USF3: variants seen among roughly 807,000 people sequenced by gnomAD.
The protein encoded by USF3 is upstream transcription factor family member 3.
A neutral mutation model predicts 157.5 loss-of-function variants in USF3; 29 were observed. That is an observed-to-expected ratio of 0.18 (90% CI 0.14 to 0.25). The LOEUF (loss-of-function observed/expected upper bound fraction) is 0.25. Ranked by LOEUF, USF3 falls within the 10% of genes least tolerant of loss-of-function variation. The pLI, the probability that USF3 is intolerant of heterozygous loss-of-function variation, is 1.00. For synonymous variants in USF3, 893 were observed against 941.4 expected (o/e 0.95, Z 0.94); for missense variants, 2,381 against 2,667.6 (o/e 0.89, Z 2.37).
Position 113,695,286 on chromosome 3 carries a change from A to G in USF3, c.-135+1084T>C, listed in dbSNP as rs76327481. Among the ~76,000 whole-genome samples the G allele has an allele frequency of 2.0e-3, 299 of 152,364 alleles. 2 individuals carry two copies. Among genetic ancestry groups the G allele is most frequent in the African/African-American group, 6.6e-3 (276 of 41,580 alleles). On this transcript the variant is annotated intron_variant, in intron 1 of 6. Coordinates refer to ENST00000316407, the MANE Select transcript of USF3 (RefSeq NM_001009899.4). ...TAAAGAGAAACAACACATGTATCCC[A>G]AACAGCAACTCTGTACTATGTTAAA...
At position 113,655,409 on chromosome 3, in the gene USF3, A is replaced by G. The variant is rs767379427; in HGVS notation, c.6273T>C (p.Ser2091=). ...ASFIPQVTQP[S]ATRTPALIPV... Reference sequence around the variant, plus strand: ...GGATGAGGGCTGGAGTTCGAGTGGCACTAGGCTGAGTAACCTGTGGAATGA... The same window carrying G: ...GGATGAGGGCTGGAGTTCGAGTGGCGCTAGGCTGAGTAACCTGTGGAATGA... The change falls in exon 7 of 7, where the codon AGT becomes AGC. Residue 2091 remains serine (S), a synonymous_variant. Coordinates refer to ENST00000316407, the MANE Select transcript of USF3 (RefSeq NM_001009899.4). 3.1e-6 allele frequency: 5 copies of G among 1,614,182 alleles called. No individual in the cohort carries two copies. In the South Asian group the frequency reaches 5.5e-5, roughly 18 times the overall value.
chr3:113,690,598 T>G (rs1345919793), intron 1 of USF3, among the ~76,000 whole-genome samples: 3 of 152,146 alleles, frequency 2.0e-5, no homozygotes, highest in African/African-American at 7.2e-5. Context: ...TTCAGACAGG[T>G]TTATCCCTGT....
At position 113,657,899 on chromosome 3, in the gene USF3, G is replaced by C; in HGVS notation, c.3783C>G (p.Ser1261=). ...SHPLASCAGL[S]PTSEQTTVPA... is the part of the protein sequence containing the mutation. The stretch of plus-strand genomic sequence containing the variant: ...GCACAGTTGTTTGCTCTGAAGTTGG[G>C]GATAAACCCGCACAGCTGGCCAGAG... Residue 1261 remains serine (S), a synonymous_variant, in exon 7 of 7, where the codon TCC becomes TCG. Transcript: ENST00000316407. 6.2e-7 allele frequency: 1 copy of C among 1,614,172 alleles called. No homozygotes were observed. Among genetic ancestry groups the C allele is most frequent in the Admixed American group, 1.7e-5 (1 of 60,010 alleles).
At chr3:113,667,021 T>A (rs1947580832) in intron 5 of USF3, among the ~76,000 whole-genome samples, 1 of 152,210 alleles carries the variant, frequency 6.6e-6, no homozygotes. Context: ...ATTTAACCTC[T>A]ACTCCAGGAT....
chr3:113,656,841 G>A lies in USF3; in HGVS notation c.4841C>T (p.Ser1614Leu). ...AGATACATGTTCAGATGAAACCCCT[G>A]AACCTTGCTGTCTGCTTCCAACATC... ...QQDVGSRQQG[S>L]GVSSEHVSGH... The change falls in exon 7 of 7, where the codon TCA becomes TTA. Residue 1614 changes from serine (S) to leucine (L), a missense_variant. Ser to Leu is a moderately radical substitution (Grantham distance 145). Coordinates refer to ENST00000316407, the MANE Select transcript of USF3 (RefSeq NM_001009899.4). 6.2e-7 allele frequency: 1 copy of A among 1,614,208 alleles called. No individual in the cohort carries two copies. The highest frequency in any genetic ancestry group is 1.1e-5 in the South Asian group (1 of 91,080).
rs1228923517 is a variant in USF3 at position 113,655,078 on chromosome 3, G to T, written c.6604C>A (p.Pro2202Thr). Reference protein sequence around the residue: ...SLFPEIATALPDGSAMSPLLT... With the variant: ...SLFPEIATALTDGSAMSPLLT... ...AAAGGTGACATTGCTGAGCCATCAG[G>T]AAGCGCTGTGGCTATTTCTGGAAAC... Residue 2202 changes from proline to threonine, a missense_variant, in exon 7 of 7, where the codon CCT becomes ACT. Physicochemically the swap from Pro to Thr is conservative, Grantham distance 38. Coordinates refer to ENST00000316407, the MANE Select transcript of USF3 (RefSeq NM_001009899.4). 6.2e-7 allele frequency: 1 copy of T among 1,614,240 alleles called. No individual in the cohort carries two copies. Among genetic ancestry groups the T allele is most frequent in the African/African-American group, 1.3e-5 (1 of 75,070 alleles).
intron 5 of USF3, among the ~76,000 whole-genome samples, chr3:113,666,344 C>T (rs7349574): frequency 3.7e-5 from 5 of 133,494 alleles, no homozygotes; most frequent in African/African-American, 1.4e-4. Context: ...CTCTGCCTTT[C>T]GGGCTCAAGC....
intron 1 of USF3, among the ~76,000 whole-genome samples, chr3:113,683,804 T>C (rs996217375): frequency 3.5e-4 from 54 of 152,332 alleles, no homozygotes; most frequent in African/African-American, 1.2e-3. Context: ...TTTCTACTTA[T>C]ATCTTATTAC....
chr3:113,685,324 C>T (rs1406104722), intron 1 of USF3, among the ~76,000 whole-genome samples: 3 of 151,988 alleles, frequency 2.0e-5, no homozygotes, highest in African/African-American at 4.8e-5. Context: ...TATTGGGTTT[C>T]GCCCAAGGCC....
rs751144198 is a variant in USF3, at chr3:113,659,233, C to T, written c.2449G>A (p.Val817Ile). The change falls in exon 7 of 7, where the codon GTC (valine) becomes ATC (isoleucine). Residue 817 changes from valine (V) to isoleucine (I), a missense_variant. Around this residue, in one of 6 missense-constraint regions of USF3, gnomAD observed 1,435 missense variants for 1,550.9 expected, o/e 0.93. Transcript: ENST00000316407. Reference sequence around the variant, plus strand: ...CAGTCTAACTTGCTCACATCTCTGACTGAATTCAGGGGACACGCTGACTTG... The same window carrying T: ...CAGTCTAACTTGCTCACATCTCTGATTGAATTCAGGGGACACGCTGACTTG... ...ANKSACPLNS[V>I]RDVSKLDCPN... 1 of 1,614,160 alleles carries T rather than the reference C, an allele frequency of 6.2e-7. No homozygotes were observed. Among genetic ancestry groups the T allele is most frequent in the Non-Finnish European group, 8.5e-7 (1 of 1,180,030 alleles).
rs1351253959 is a variant in USF3 at position 113,651,004 on chromosome 3, G to A, written c.*3940C>T. Reference sequence around the variant, plus strand: ...CATATAAGCCATCCCAGAGCAACTTGTGTTTTCCAAAAAAAAGAAAGAAAG... The same window carrying A: ...CATATAAGCCATCCCAGAGCAACTTATGTTTTCCAAAAAAAAGAAAGAAAG... On this transcript the variant is annotated 3_prime_UTR_variant, in exon 7 of 7. Transcript: ENST00000316407. 1 of 152,076 alleles carries A rather than the reference G, an allele frequency of 6.6e-6. No homozygotes were observed. Among genetic ancestry groups the A allele is most frequent in the Non-Finnish European group, 1.5e-5 (1 of 68,014 alleles). 9.4% of individuals were successfully genotyped at this position (152,076 alleles called of 1,614,324 possible).
At chr3:113,677,676 G>C (rs576379022) in intron 1 of USF3, among the ~76,000 whole-genome samples, 1 of 152,318 alleles carries the variant, frequency 6.6e-6, no homozygotes, top group African/African-American at 2.4e-5. Context: ...CATGCTCATT[G>C]TACCTTAGGT....
intron 1 of USF3, among the ~76,000 whole-genome samples, chr3:113,684,902 G>A (rs766941420): frequency 1.3e-5 from 2 of 152,100 alleles, no homozygotes; most frequent in African/African-American, 2.4e-5. Flanking sequence ...TGGCCCTGAT[G>A]CTTGTGGATG....
chr3:113,686,168 G>C (rs189470143), intron 1 of USF3, among the ~76,000 whole-genome samples: 1 of 152,328 alleles, frequency 6.6e-6, no homozygotes, highest in East Asian at 1.9e-4. Flanking sequence ...TGTTCCAACT[G>C]ATAGGATGGA....
intron 1 of USF3, among the ~76,000 whole-genome samples, chr3:113,679,042 C>CT (rs1361472294): frequency 9.3e-6 from 1 of 107,666 alleles, no homozygotes; most frequent in Non-Finnish European, 2.2e-5. Context: ...TCTCTCTCTC[C>CT]AACTCCTGGC....
In USF3 at chr3:113,653,418, ACGGTGAAACCC is replaced by A. The variant is rs907365583; in HGVS notation, c.*1515_*1525del. The A allele has an allele frequency of 3.9e-5, 6 of 152,354 alleles. No individual in the cohort carries two copies. Among genetic ancestry groups the A allele is most frequent in the Admixed American group, 1.3e-4 (2 of 15,260 alleles). 9.4% of individuals were successfully genotyped at this position (152,354 alleles called of 1,614,324 possible). A position where few individuals can be genotyped will look rare whatever the true frequency, so the allele number is the denominator to read the frequency against. On this transcript the variant is annotated 3_prime_UTR_variant, in exon 7 of 7. Coordinates refer to ENST00000316407, the MANE Select transcript of USF3 (RefSeq NM_001009899.4). ...GGAGATCAAGACCATCCTGGCTAAC[ACGGTGAAACCC>A]CGTCTCTACTAAAAGTACCAAAAAT...
rs1247804951 is a variant in USF3 at position 113,648,933 on chromosome 3, C to T, written c.*6011G>A. 2 of 152,002 alleles carry T rather than the reference C, an allele frequency of 1.3e-5. No homozygotes were observed. The highest frequency in any genetic ancestry group is 2.9e-5 in the Non-Finnish European group (2 of 67,950). 9.4% of individuals were successfully genotyped at this position (152,002 alleles called of 1,614,324 possible). ...TTATATAGCCTGCTGAAAGTGGAAG[C>T]GAATCTTTTCTTCACAGTAACACAA... is the stretch of plus-strand genomic sequence containing the variant. On this transcript the variant is annotated 3_prime_UTR_variant, in exon 7 of 7. Coordinates refer to ENST00000316407, the MANE Select transcript of USF3 (RefSeq NM_001009899.4).
chr3:113,661,247 T>G lies in USF3; in HGVS notation c.435A>C (p.Lys145Asn), dbSNP rs768374265. The G allele has an allele frequency of 1.2e-6, 2 of 1,614,072 alleles. No homozygotes were observed. Among genetic ancestry groups the G allele is most frequent in the South Asian group, 2.2e-5 (2 of 91,032 alleles). The change falls in exon 7 of 7, where the codon AAA (lysine) becomes AAC (asparagine). Residue 145 changes from lysine (K) to asparagine (N), a missense_variant. This residue lies in a region of USF3 where 1,435 missense variants were observed against 1,550.9 expected (regional missense o/e 0.93). Coordinates refer to ENST00000316407, the MANE Select transcript of USF3 (RefSeq NM_001009899.4). ...SVVIPSDQVQ[K>N]KIIVYSNGNQ... ...TCCCGTTGGAATAAACAATAATTTTTTTTTGAACCTGGTCACTAGGAATAA... is the reference window on the plus strand; with the variant it reads ...TCCCGTTGGAATAAACAATAATTTTGTTTTGAACCTGGTCACTAGGAATAA...
At chr3:113,690,274 T>C (rs1707654706) in intron 1 of USF3, among the ~76,000 whole-genome samples, 1 of 152,214 alleles carries the variant, frequency 6.6e-6, no homozygotes, top group African/African-American at 2.4e-5. Flanking sequence ...CACCTTAGAT[T>C]AGGCCCCATT....
Sources: allele counts gnomAD v4.1 joint callset (sites outside exome capture counted in the v4.1 genomes callset), GRCh38; gene constraint gnomAD v4.1.1; regional missense constraint gnomAD v4.1.1; transcripts MANE v1.5; gene names NCBI Gene and HGNC (gene_info 2026-07-23, HGNC 2026-07-21).